Variants in NEFH observed in about 807,000 individuals in gnomAD.
NEFH encodes neurofilament heavy chain.
In NEFH, 58 loss-of-function variants were observed where a neutral mutation model predicts 56.6. That is an observed-to-expected ratio of 1.03 (90% CI 0.83 to 1.28). The LOEUF is 1.28. Among genes scored for constraint, NEFH ranks in the 50% most tolerant of loss-of-function variants. NEFH has a pLI of 0.00. For synonymous variants in NEFH, 542 were observed against 545.8 expected, an observed-to-expected ratio of 0.99 and a Z score of 0.10; for missense variants, 1,221 against 1,307.6, an observed-to-expected ratio of 0.93 and a Z score of 1.02.
At chr22:29,482,383 A>G (rs927447679) in intron 1 of NEFH, among the ~76,000 whole-genome samples, 8 of 152,100 alleles carry the variant, frequency 5.3e-5, no homozygotes, top group African/African-American at 1.9e-4. Flanking sequence ...GTTCACTTTT[A>G]CGAGCTAAAG....
In NEFH at chr22:29,489,825, G is replaced by A. The variant is rs1469567566; in HGVS notation, c.2185G>A (p.Glu729Lys). ...GAAGGCCAAGTCCCCAGTGAAGGAA[G>A]AAGCAAAGACCCCCGAGAAGGCCAA... ...PEKAKSPVKE[E>K]AKTPEKAKSP... The change falls in exon 4 of 4, where the codon GAA becomes AAA. Residue 729 changes from glutamate to lysine, a missense_variant. Physicochemically the swap from Glu to Lys is moderately conservative, Grantham distance 56. This residue lies in a region of NEFH where 301 missense variants were observed against 346.6 expected (regional missense o/e 0.87). Transcript: ENST00000310624. 4 of 1,611,202 alleles carry A rather than the reference G, an allele frequency of 2.5e-6. No homozygotes were observed. In the East Asian group the frequency reaches 9.0e-5, roughly 36 times the overall value.
At chr22:29,481,789 C>A (rs2063012479) in intron 1 of NEFH, among the ~76,000 whole-genome samples, 1 of 152,140 alleles carries the variant, frequency 6.6e-6, no homozygotes, top group Non-Finnish European at 1.5e-5. Flanking sequence ...TCCCCTTTCT[C>A]CTTTAGGGAA....
intron 3 of NEFH, among the ~76,000 whole-genome samples, chr22:29,487,748 T>C (rs778445687): frequency 3.9e-5 from 6 of 152,064 alleles, no homozygotes; most frequent in African/African-American, 9.7e-5. Context: ...CTGCTAAATT[T>C]GGGAAGTACT....
In NEFH at chr22:29,489,021, A is replaced by G; in HGVS notation, c.1381A>G (p.Thr461Ala). 1 of 1,614,212 alleles carries G rather than the reference A, an allele frequency of 6.2e-7. No homozygotes were observed. Among genetic ancestry groups the G allele is most frequent in the South Asian group, 1.1e-5 (1 of 91,088 alleles). The change falls in exon 4 of 4, where the codon ACA (threonine) becomes GCA (alanine). Residue 461 changes from threonine (T) to alanine (A), a missense_variant. Thr to Ala is a moderately conservative substitution (Grantham distance 58, BLOSUM62 0). Around this residue, in one of 4 missense-constraint regions of NEFH, gnomAD observed 243 missense variants for 299.1 expected, o/e 0.81. Transcript: ENST00000310624. Reference sequence around the variant, plus strand: ...AGAAACTGTGATTGTGGAGGAACAGACAGAGGAGACCCAAGTGACTGAAGA... The same window carrying G: ...AGAAACTGTGATTGTGGAGGAACAGGCAGAGGAGACCCAAGTGACTGAAGA... ...EKETVIVEEQ[T>A]EETQVTEEVT... is the part of the protein sequence containing the mutation.
Position 29,481,113 on chromosome 22 carries a change from A to G in NEFH, c.851A>G (p.Gln284Arg), listed in dbSNP as rs746595090. The G allele has an allele frequency of 7.2e-6, 11 of 1,530,014 alleles. No individual in the cohort carries two copies. The highest frequency in any genetic ancestry group is 9.6e-6 in the Non-Finnish European group (11 of 1,144,908). The allele number at this position is 1,530,014 out of a possible 1,614,324, so 94.8% of individuals were successfully genotyped here. Residue 284 changes from glutamine (Q) to arginine (R), a missense_variant, in exon 1 of 4, where the codon CAG becomes CGG. By Grantham distance (43) the Gln-to-Arg change is conservative. This residue lies in a region of NEFH where 640 missense variants were observed against 555.5 expected (regional missense o/e 1.15). Transcript: ENST00000310624. ...GCGCAGCTTGAAGGCCACGCGGTGC[A>G]GAGCACGCTGCAGTCCGAGGAGTGG... is the stretch of plus-strand genomic sequence containing the variant. ...IRAQLEGHAV[Q>R]STLQSEEWFR...
rs1168990485 is a variant in NEFH at position 29,491,339 on chromosome 22, G to A, written c.*636G>A. The A allele has an allele frequency of 5.2e-6, 1 of 193,848 alleles. No homozygotes were observed. The highest frequency in any genetic ancestry group is 2.4e-5 in the African/African-American group (1 of 42,146). 12.0% of individuals were successfully genotyped at this position (193,848 alleles called of 1,614,324 possible). On this transcript the variant is annotated 3_prime_UTR_variant, in exon 4 of 4. Coordinates refer to ENST00000310624, the MANE Select transcript of NEFH (RefSeq NM_021076.4). ...CCTGGGAAGGCTGGGGGCAGGGCAGGGGAGGTCTGGATGTGACACCCCAGA... is the reference window on the plus strand; with the variant it reads ...CCTGGGAAGGCTGGGGGCAGGGCAGAGGAGGTCTGGATGTGACACCCCAGA...
rs1322976848 is a variant in NEFH at position 29,490,329 on chromosome 22, G to A, written c.2689G>A (p.Ala897Thr). The A allele has an allele frequency of 1.9e-6, 3 of 1,613,008 alleles. No homozygotes were observed. The highest frequency in any genetic ancestry group is 2.5e-6 in the Non-Finnish European group (3 of 1,179,658). ...ESKVEAKKEE[A>T]EDKKKVPTPE... ...CAAAGTTGAAGCCAAGAAGGAAGAGGCTGAAGATAAGAAAAAAGTCCCCAC... is the reference window on the plus strand; with the variant it reads ...CAAAGTTGAAGCCAAGAAGGAAGAGACTGAAGATAAGAAAAAAGTCCCCAC... Residue 897 changes from alanine to threonine, a missense_variant, in exon 4 of 4, where the codon GCT (alanine) becomes ACT (threonine). By Grantham distance (58) the Ala-to-Thr change is moderately conservative (BLOSUM62 0). Coordinates refer to ENST00000310624, the MANE Select transcript of NEFH (RefSeq NM_021076.4).
At chr22:29,482,094 G>C (rs951383159) in intron 1 of NEFH, among the ~76,000 whole-genome samples, 27 of 152,232 alleles carry the variant, frequency 1.8e-4, no homozygotes, top group African/African-American at 6.5e-4. Context: ...CAATAGTTGA[G>C]AATCTCCAAC....
Position 29,488,745 on chromosome 22 carries a change from C to T in NEFH, c.1209-104C>T, listed in dbSNP as rs565596168. On this transcript the variant is annotated intron_variant, in intron 3 of 3. Coordinates refer to ENST00000310624, the MANE Select transcript of NEFH (RefSeq NM_021076.4). ...CATTCACATTCCTGTTCCACCAAAA[C>T]CCATATCATTCGATGTCAGTGACCT... 3.8e-4 allele frequency: 417 copies of T among 1,092,374 alleles called. 7 individuals carry two copies. In the South Asian group the frequency reaches 4.9e-3, roughly 13 times the overall value. 67.7% of individuals were successfully genotyped at this position (1,092,374 alleles called of 1,614,324 possible). A position where few individuals can be genotyped will look rare whatever the true frequency, so the allele number is the denominator to read the frequency against.
rs1411536824 is a variant in NEFH, at chr22:29,490,480, A to G, written c.2840A>G (p.Lys947Arg). The G allele has an allele frequency of 1.3e-6, 2 of 1,589,862 alleles. No individual in the cohort carries two copies. The highest frequency in any genetic ancestry group is 1.7e-6 in the Non-Finnish European group (2 of 1,173,598). The change falls in exon 4 of 4, where the codon AAG becomes AGG. Residue 947 changes from lysine to arginine, a missense_variant. Lys to Arg is a conservative substitution (Grantham distance 26, BLOSUM62 2). Around this residue, in one of 4 missense-constraint regions of NEFH, gnomAD observed 301 missense variants for 346.6 expected, o/e 0.87. Coordinates refer to ENST00000310624, the MANE Select transcript of NEFH (RefSeq NM_021076.4). ...KAKEPSKPAE[K>R]KEAAPEKKDT... ...AAGGAACCCAGCAAACCAGCAGAGA[A>G]GAAGGAGGCAGCACCGGAGAAAAAA...
At position 29,489,093 on chromosome 22, in the gene NEFH, G is replaced by A. The variant is rs1343080430; in HGVS notation, c.1453G>A (p.Glu485Lys). 6.2e-7 allele frequency: 1 copy of A among 1,613,480 alleles called. No homozygotes were observed. Among genetic ancestry groups the A allele is most frequent in the Non-Finnish European group, 8.5e-7 (1 of 1,179,646 alleles). Reference sequence around the variant, plus strand: ...AGAGGCCAAAGAGGAGGAGGGCAAGGAGGAAGAAGGGGGTGAAGAAGAGGA... The same window carrying A: ...AGAGGCCAAAGAGGAGGAGGGCAAGAAGGAAGAAGGGGGTGAAGAAGAGGA... Reference protein sequence around the residue: ...EKEAKEEEGKEEEGGEEEEAE... With the variant: ...EKEAKEEEGKKEEGGEEEEAE... The change falls in exon 4 of 4, where the codon GAG (glutamate) becomes AAG (lysine). Residue 485 changes from glutamate to lysine, a missense_variant. Physicochemically the swap from Glu to Lys is moderately conservative, Grantham distance 56 (BLOSUM62 1). This residue lies in a region of NEFH where 243 missense variants were observed against 299.1 expected (regional missense o/e 0.81). Transcript: ENST00000310624.
intron 2 of NEFH, among the ~76,000 whole-genome samples, chr22:29,484,997 G>T (rs1203137012): frequency 6.6e-6 from 1 of 152,172 alleles, no homozygotes; most frequent in African/African-American, 2.4e-5. Context: ...ACCATGCCCA[G>T]CTAATTATTT....
At position 29,491,197 on chromosome 22, in the gene NEFH, G is replaced by C. The variant is rs710195; in HGVS notation, c.*494G>C. The C allele has an allele frequency of 0.66, 153,309 of 232,210 alleles. 51,020 individuals carry two copies. The highest frequency in any genetic ancestry group is 0.87 in the East Asian group (8,108 of 9,280). The allele number at this position is 232,210 out of a possible 1,614,324, so 14.4% of individuals were successfully genotyped here. On this transcript the variant is annotated 3_prime_UTR_variant, in exon 4 of 4. Coordinates refer to ENST00000310624, the MANE Select transcript of NEFH (RefSeq NM_021076.4). Reference sequence around the variant, plus strand: ...GAAGAGCGGTCCAGGTGGGGCCGGGGACTGGCCACTGAATTATGCCAGGGC... The same window carrying C: ...GAAGAGCGGTCCAGGTGGGGCCGGGCACTGGCCACTGAATTATGCCAGGGC...
chr22:29,480,292 G>A lies in NEFH; in HGVS notation c.30G>A (p.Leu10=), dbSNP rs2062994923. The A allele has an allele frequency of 6.6e-7, 1 of 1,508,546 alleles. No individual in the cohort carries two copies. Among genetic ancestry groups the A allele is most frequent in the Non-Finnish European group, 8.8e-7 (1 of 1,137,932 alleles). 93.4% of individuals were successfully genotyped at this position (1,508,546 alleles called of 1,614,324 possible). MMSFGGADA[L]LGAPFAPLHG... ...TGAGCTTCGGCGGCGCGGACGCGCT[G>A]CTGGGCGCCCCGTTCGCGCCGCTGC... Residue 10 remains leucine (L), a synonymous_variant, in exon 1 of 4, where the codon CTG becomes CTA. Coordinates refer to ENST00000310624, the MANE Select transcript of NEFH (RefSeq NM_021076.4).
chr22:29,482,172 T>A (rs1465638466), intron 1 of NEFH, among the ~76,000 whole-genome samples: 1 of 152,206 alleles, frequency 6.6e-6, no homozygotes, highest in East Asian at 1.9e-4. Flanking sequence ...GCATAGCTTT[T>A]TCTGTTCCTT....
chr22:29,490,781 T>C lies in NEFH; in HGVS notation c.*78T>C. ...GAGCTCAAGGATCAGAGTAACACAA[T>C]TTTCACTTTTTCTGTCTTTATGTAA... On this transcript the variant is annotated 3_prime_UTR_variant, in exon 4 of 4. Transcript: ENST00000310624. The C allele has an allele frequency of 6.3e-7, 1 of 1,588,282 alleles. No homozygotes were observed. Among genetic ancestry groups the C allele is most frequent in the Non-Finnish European group, 8.6e-7 (1 of 1,168,618 alleles).
rs149955255 is a variant in NEFH at position 29,483,545 on chromosome 22, C to A, written c.1054C>A (p.Arg352Ser). 5,003 of 1,613,788 alleles carry A rather than the reference C, an allele frequency of 3.1e-3. 12 individuals carry two copies. Among genetic ancestry groups the A allele is most frequent in the Non-Finnish European group, 3.8e-3 (4,493 of 1,180,012 alleles). ...GAGGCAGCGCTCTGAGCTGGAGGAC[C>A]GTCATCAGGCCGACATTGCCTCCTA... Reference protein sequence around the residue: ...LERQRSELEDRHQADIASYQE... With the variant: ...LERQRSELEDSHQADIASYQE... Residue 352 changes from arginine to serine, a missense_variant, in exon 2 of 4, where the codon CGT becomes AGT. Around this residue, in one of 4 missense-constraint regions of NEFH, gnomAD observed 640 missense variants for 555.5 expected, o/e 1.15. Coordinates refer to ENST00000310624, the MANE Select transcript of NEFH (RefSeq NM_021076.4).
At position 29,483,529 on chromosome 22, in the gene NEFH, C is replaced by G. The variant is rs377262654; in HGVS notation, c.1038C>G (p.Arg346=). ...CCAAGGACTCACTGGAGAGGCAGCGCTCTGAGCTGGAGGACCGTCATCAGG... is the reference window on the plus strand; with the variant it reads ...CCAAGGACTCACTGGAGAGGCAGCGGTCTGAGCTGGAGGACCGTCATCAGG... ...KSTKDSLERQ[R]SELEDRHQAD... Residue 346 remains arginine (R), a synonymous_variant, in exon 2 of 4, where the codon CGC becomes CGG. Coordinates refer to ENST00000310624, the MANE Select transcript of NEFH (RefSeq NM_021076.4). The G allele has an allele frequency of 3.3e-5, 54 of 1,613,920 alleles. No individual in the cohort carries two copies. The highest frequency in any genetic ancestry group is 9.9e-5 in the South Asian group (9 of 91,090).
rs368835345 is a variant in NEFH, at chr22:29,490,248, C to T, written c.2608C>T (p.Pro870Ser). Residue 870 changes from proline (P) to serine (S), a missense_variant, in exon 4 of 4, where the codon CCA becomes TCA. Pro to Ser is a moderately conservative substitution (Grantham distance 74). This residue lies in a region of NEFH where 301 missense variants were observed against 346.6 expected (regional missense o/e 0.87). Coordinates refer to ENST00000310624, the MANE Select transcript of NEFH (RefSeq NM_021076.4). ...AGAGGAGGCACCCAAGAAGGAGGCT[C>T]CAAAGCCCAAGGTGGAGGAGAAGAA... is the stretch of plus-strand genomic sequence containing the variant. Reference protein sequence around the residue: ...KKEEAPKKEAPKPKVEEKKEP... With the variant: ...KKEEAPKKEASKPKVEEKKEP... The T allele has an allele frequency of 9.3e-6, 15 of 1,611,196 alleles. No homozygotes were observed. Among genetic ancestry groups the T allele is most frequent in the African/African-American group, 2.7e-5 (2 of 74,786 alleles).
Sources: gnomAD v4.1 joint callset for allele counts (sites outside exome capture counted in the v4.1 genomes callset) on GRCh38, gnomAD v4.1.1 for gene constraint, gnomAD v4.1.1 regional missense constraint, MANE v1.5 for transcripts, NCBI Gene and HGNC (gene_info 2026-07-23, HGNC 2026-07-21) for gene names.